PTPRD: variants seen among roughly 807,000 people sequenced by gnomAD.
PTPRD encodes the protein receptor-type tyrosine-protein phosphatase delta.
PTPRD carries 34 observed loss-of-function variants against 214.5 expected under a neutral mutation model. That is an observed-to-expected ratio of 0.16 (90% CI 0.12 to 0.21). PTPRD has a LOEUF of 0.21. Ranked by LOEUF, PTPRD falls within the 10% of genes least tolerant of loss-of-function variation. PTPRD has a pLI of 1.00. For missense variants in PTPRD, 2,545 were observed against 2,398.7 expected, an observed-to-expected ratio of 1.06 and a Z score of -1.27; for synonymous variants, 1,128 against 845.7, an observed-to-expected ratio of 1.33 and a Z score of -5.79.
At chr9:10,514,338 T>G (rs542037674) in intron 2 of PTPRD, among the ~76,000 whole-genome samples, 2 of 151,854 alleles carry the variant, frequency 1.3e-5, no homozygotes, top group South Asian at 4.2e-4. Flanking sequence ...TACAATTACA[T>G]TTAGAACTTT....
At position 8,353,846 on chromosome 9, in the gene PTPRD, ATGTATATATG is replaced by A. The variant is rs2076207293; in HGVS notation, c.4662-11878_4662-11869del. Among the ~76,000 whole-genome samples the A allele has an allele frequency of 2.0e-4, 25 of 126,354 alleles. 1 individual carries two copies. The South Asian group carries it at 4.1e-3, about 21-fold the overall frequency. 82.9% of individuals were successfully genotyped at this position (126,354 alleles called of 152,430 possible). ...TATGTATATATGTATATATGTATATATGTATATATGTGTATATATGTATATATGTATATAT... is the reference window on the plus strand; with the variant it reads ...TATGTATATATGTATATATGTATATATGTATATATGTATATATGTATATAT... On this transcript the variant is annotated intron_variant, in intron 39 of 45. Transcript: ENST00000381196.
At chr9:8,941,588 G>T (rs1344451041) in intron 11 of PTPRD, among the ~76,000 whole-genome samples, 1 of 151,960 alleles carries the variant, frequency 6.6e-6, no homozygotes, top group Non-Finnish European at 1.5e-5. Context: ...TTGTTGGGTG[G>T]AGTTTAAATA....
chr9:9,342,242 A>G (rs1326113718), intron 9 of PTPRD, among the ~76,000 whole-genome samples: 1 of 151,916 alleles, frequency 6.6e-6, no homozygotes, highest in East Asian at 1.9e-4. Flanking sequence ...GCTTTATAGA[A>G]CTCCCACATG....
chr9:10,258,746 T>A (rs541681843), intron 3 of PTPRD, among the ~76,000 whole-genome samples: 1 of 152,104 alleles, frequency 6.6e-6, no homozygotes, highest in African/African-American at 2.4e-5. Context: ...GTTTTGTATC[T>A]CTCTCTCTTT....
chr9:8,342,788 T>C (rs930168066), intron 39 of PTPRD, among the ~76,000 whole-genome samples: 1 of 152,116 alleles, frequency 6.6e-6, no homozygotes, highest in Non-Finnish European at 1.5e-5. Context: ...TTAGATGCTA[T>C]CTCTAAAGAG....
intron 7 of PTPRD, among the ~76,000 whole-genome samples, chr9:9,607,061 A>C (rs1289720047): frequency 2.0e-5 from 3 of 150,202 alleles, no homozygotes; most frequent in Non-Finnish European, 3.0e-5. Flanking sequence ...CCTTAAATGG[A>C]AACTCCCCAA....
intron 44 of PTPRD, among the ~76,000 whole-genome samples, chr9:8,326,949 TTCTA>T (rs1275910682): frequency 2.0e-5 from 3 of 146,756 alleles, no homozygotes; most frequent in African/African-American, 7.4e-5. Flanking sequence ...CTTCTGTCTT[TTCTA>T]TCTATTTTGT....
At chr9:8,803,088 C>T (rs1031668592) in intron 11 of PTPRD, among the ~76,000 whole-genome samples, 1 of 152,000 alleles carries the variant, frequency 6.6e-6, no homozygotes, top group African/African-American at 2.4e-5. Flanking sequence ...ATAAAATGGA[C>T]ATAATAATTA....
At chr9:9,270,637 C>T (rs377335645) in intron 9 of PTPRD, among the ~76,000 whole-genome samples, 3 of 151,216 alleles carry the variant, frequency 2.0e-5, no homozygotes, top group South Asian at 4.2e-4. Flanking sequence ...AAAAGAAGAG[C>T]CATAGAAGTT....
intron 8 of PTPRD, among the ~76,000 whole-genome samples, chr9:9,406,504 G>C (rs1303334875): frequency 6.6e-6 from 1 of 151,872 alleles, no homozygotes; most frequent in East Asian, 1.9e-4. Context: ...CTGAAATCAA[G>C]ACATCTCACA....
chr9:9,304,667 T>C (rs1002306958), intron 9 of PTPRD, among the ~76,000 whole-genome samples: 1 of 151,202 alleles, frequency 6.6e-6, no homozygotes, highest in African/African-American at 2.4e-5. Context: ...TTCTCTAGAT[T>C]ATATATTTCC....
chr9:9,150,330 G>A (rs1041382117), intron 10 of PTPRD, among the ~76,000 whole-genome samples: 1 of 151,492 alleles, frequency 6.6e-6, no homozygotes, highest in African/African-American at 2.4e-5. Flanking sequence ...TTGTGCTAGC[G>A]TAGGGTTGGG....
chr9:10,140,495 C>A (rs1404079325), intron 3 of PTPRD, among the ~76,000 whole-genome samples: 1 of 152,006 alleles, frequency 6.6e-6, no homozygotes, highest in Non-Finnish European at 1.5e-5. Context: ...ACTAGAAAAT[C>A]TAGAAGAAAT....
intron 2 of PTPRD, among the ~76,000 whole-genome samples, chr9:10,559,930 G>C (rs1286344435): frequency 6.6e-6 from 1 of 151,966 alleles, no homozygotes; most frequent in African/African-American, 2.4e-5. Context: ...AGAGGATATG[G>C]AGAAATAGGA....
At chr9:9,448,052 G>T (rs770628564) in intron 8 of PTPRD, among the ~76,000 whole-genome samples, 1 of 152,070 alleles carries the variant, frequency 6.6e-6, no homozygotes, top group Non-Finnish European at 1.5e-5. Flanking sequence ...GTTTGAAGGG[G>T]TTCATTCTGC....
intron 5 of PTPRD, among the ~76,000 whole-genome samples, chr9:9,788,106 T>G (rs534183335): frequency 3.3e-5 from 5 of 151,618 alleles, no homozygotes; most frequent in Admixed American, 3.3e-4. Context: ...TTACAATCAG[T>G]AGACACTTGG....
At chr9:8,534,980 C>A (rs915092978) in intron 14 of PTPRD, among the ~76,000 whole-genome samples, 3 of 151,890 alleles carry the variant, frequency 2.0e-5, no homozygotes, top group Non-Finnish European at 4.4e-5. Context: ...CTCCTTTGTG[C>A]TGGACTGGGC....
intron 3 of PTPRD, among the ~76,000 whole-genome samples, chr9:10,132,190 A>C (rs2098896411): frequency 6.6e-6 from 1 of 152,272 alleles, no homozygotes; most frequent in African/African-American, 2.4e-5. Context: ...GTTAAAAAAA[A>C]ACTGTACACA....
At chr9:8,835,193 C>T (rs1483849161) in intron 11 of PTPRD, among the ~76,000 whole-genome samples, 1 of 152,198 alleles carries the variant, frequency 6.6e-6, no homozygotes, top group Non-Finnish European at 1.5e-5. Context: ...CTAGACATCA[C>T]CTGAGTTTAT....
Sources: allele counts gnomAD v4.1 joint callset (sites outside exome capture counted in the v4.1 genomes callset), GRCh38; gene constraint gnomAD v4.1.1; transcripts MANE v1.5; gene names NCBI Gene and HGNC (gene_info 2026-07-23, HGNC 2026-07-21).